The following GCSAML variants were observed in gnomAD, a reference collection of about 807,000 sequenced individuals.
The protein encoded by GCSAML is germinal center-associated signaling and motility-like protein.
GCSAML carries 9 observed loss-of-function variants against 13.0 expected under a neutral mutation model. The observed-to-expected ratio is 0.69, with a 90% CI of 0.42 to 1.21. GCSAML has a LOEUF of 1.21. Among genes scored for constraint, GCSAML ranks in the 50% most tolerant of loss-of-function variants. The probability of loss-of-function intolerance (pLI) is 0.00; values close to 1 mark genes in which losing one functional copy is unlikely to be tolerated. For synonymous variants in GCSAML, 37 were observed against 52.9 expected (o/e 0.70, Z 1.31); for missense variants, 143 against 153.4 (o/e 0.93, Z 0.36).
intron 1 of GCSAML, among the ~76,000 whole-genome samples, chr1:247,512,470 G>C (rs915080875): frequency 3.3e-5 from 5 of 152,066 alleles, no homozygotes; most frequent in South Asian, 2.1e-4. Flanking sequence ...CTTTAGCTCA[G>C]AGGAGTTTGT....
chr1:247,523,148 C>T (rs1440056359), intron 1 of GCSAML, among the ~76,000 whole-genome samples: 1 of 152,172 alleles, frequency 6.6e-6, no homozygotes, highest in Non-Finnish European at 1.5e-5. Context: ...TCCTACAGAA[C>T]AGATGCCCCT....
intron 2 of GCSAML, among the ~76,000 whole-genome samples, chr1:247,562,835 T>A (rs10802522): frequency 0.39 from 58,924 of 150,502 alleles, 12,693 homozygotes; most frequent in African/African-American, 0.56. Context: ...ATTTTTTTTT[T>A]AATTTATTTT....
At chr1:247,524,743 A>G (rs921539916) in intron 1 of GCSAML, 1 of 152,066 alleles carries the variant, frequency 6.6e-6, no homozygotes, top group Non-Finnish European at 1.5e-5. Context: ...CACAAAGGAA[A>G]CAAACAAAAC....
At chr1:247,552,240 A>G (rs947142788) in intron 1 of GCSAML, among the ~76,000 whole-genome samples, 1 of 152,232 alleles carries the variant, frequency 6.6e-6, no homozygotes, top group Non-Finnish European at 1.5e-5. Flanking sequence ...GATGGTAAAG[A>G]GCTGAAATTC....
intron 1 of GCSAML, among the ~76,000 whole-genome samples, chr1:247,509,632 G>T (rs1665952306): frequency 6.6e-6 from 1 of 152,188 alleles, no homozygotes; most frequent in Non-Finnish European, 1.5e-5. Context: ...GATAGTGGCT[G>T]TGGGATTGTC....
rs1252818617 is a variant in GCSAML, at chr1:247,577,147, T to A, written c.*2765T>A. ...GAATCATTGCTGTATAAGTGCTTTT[T>A]AACCTGTAAATTTTGTGAAGCTTAT... On this transcript the variant is annotated 3_prime_UTR_variant, in exon 5 of 5. Transcript: ENST00000366488. 6.6e-6 allele frequency: 1 copy of A among 152,250 alleles called. No individual in the cohort carries two copies. Among genetic ancestry groups the A allele is most frequent in the East Asian group, 1.9e-4 (1 of 5,202 alleles). The allele number at this position is 152,250 out of a possible 1,614,324, so 9.4% of individuals were successfully genotyped here.
Position 247,526,777 on chromosome 1 carries a change from C to A in GCSAML, c.-262-163C>A. On this transcript the variant is annotated intron_variant, in intron 1 of 5. Transcript: ENST00000366489. This position sits in a 1 kb window ranked among gnomAD's most constrained non-coding sequence, Gnocchi z 4.8. The stretch of plus-strand genomic sequence containing the variant: ...AGAGGAATAAAAGAAAAGATGGAGC[C>A]TAGAAAATTCTGACATATTCGGCTG... 1 of 359,730 alleles carries A rather than the reference C, an allele frequency of 2.8e-6. No individual in the cohort carries two copies. Among genetic ancestry groups the A allele is most frequent in the Non-Finnish European group, 5.4e-6 (1 of 184,826 alleles). The allele number at this position is 359,730 out of a possible 1,614,324, so 22.3% of individuals were successfully genotyped here. A position where few individuals can be genotyped will look rare whatever the true frequency, so the allele number is the denominator to read the frequency against.
chr1:247,534,270 G>C (rs1255870738), intron 2 of GCSAML, among the ~76,000 whole-genome samples: 1 of 152,162 alleles, frequency 6.6e-6, no homozygotes, highest in Non-Finnish European at 1.5e-5. Context: ...TGGGTCCCCA[G>C]TGTCTAACCC....
intron 1 of GCSAML, among the ~76,000 whole-genome samples, chr1:247,523,272 C>T (rs971719525): frequency 6.6e-6 from 1 of 152,002 alleles, no homozygotes; most frequent in Non-Finnish European, 1.5e-5. Context: ...GAAATCTTTC[C>T]TGAAGGAATA....
chr1:247,512,168 T>A (rs953111215), intron 1 of GCSAML, among the ~76,000 whole-genome samples: 3 of 152,128 alleles, frequency 2.0e-5, no homozygotes, highest in Admixed American at 6.6e-5. Flanking sequence ...TTGGTCTTTT[T>A]ACGTAGTCCC....
chr1:247,541,924 C>T (rs1402489403), intron 2 of GCSAML, among the ~76,000 whole-genome samples: 6 of 151,140 alleles, frequency 4.0e-5, no homozygotes, highest in Non-Finnish European at 7.4e-5. Context: ...GAGGGAGAAT[C>T]GCTTGAACCC....
chr1:247,545,621 A>G (rs1667542832), upstream of GCSAML, among the ~76,000 whole-genome samples: 1 of 152,180 alleles, frequency 6.6e-6, no homozygotes, highest in Non-Finnish European at 1.5e-5. Flanking sequence ...ATATTTCCCT[A>G]ATAATTAGTG....
chr1:247,526,539 T>C lies in GCSAML; in HGVS notation c.-262-401T>C, dbSNP rs903519919. ...GTGAAATGCATCTTACTTCAGGAAG[T>C]GTGTCTCCACTGGCTTACATCCCCA... On this transcript the variant is annotated intron_variant, in intron 1 of 5. Coordinates refer to the GCSAML transcript ENST00000366489. This position sits in a 1 kb window ranked among gnomAD's most constrained non-coding sequence, Gnocchi z 4.8. 1.2e-5 allele frequency: 2 copies of C among 162,992 alleles called. No homozygotes were observed. The highest frequency in any genetic ancestry group is 6.0e-5 in the Admixed American group (1 of 16,710). 10.1% of individuals were successfully genotyped at this position (162,992 alleles called of 1,614,324 possible). A position where few individuals can be genotyped will look rare whatever the true frequency, so the allele number is the denominator to read the frequency against.
intron 2 of GCSAML, among the ~76,000 whole-genome samples, chr1:247,536,692 G>A (rs1667231453): frequency 6.6e-6 from 1 of 152,108 alleles, no homozygotes; most frequent in Non-Finnish European, 1.5e-5. Context: ...TAACTTCATT[G>A]TATTACACAC....
intron 1 of GCSAML, 71 bp from the exon 2 acceptor site, chr1:247,556,336 G>A (rs1348707826): frequency 9.1e-7 from 1 of 1,096,404 alleles, no homozygotes; most frequent in African/African-American, 1.6e-5. Context: ...GGTCTAGAAA[G>A]TTAGAGAAGA....
intron 2 of GCSAML, among the ~76,000 whole-genome samples, chr1:247,538,514 A>G (rs1439429886): frequency 1.3e-5 from 2 of 152,226 alleles, no homozygotes; most frequent in African/African-American, 2.4e-5. Flanking sequence ...CAATGTGACT[A>G]TATTTGGAGA....
chr1:247,556,950 C>A (rs1667975700), intron 2 of GCSAML, among the ~76,000 whole-genome samples: 1 of 152,186 alleles, frequency 6.6e-6, no homozygotes, highest in Non-Finnish European at 1.5e-5. Flanking sequence ...TCACTCTCTA[C>A]CTTCACCCAC....
intron 2 of GCSAML, chr1:247,531,901 C>G: frequency 6.2e-7 from 1 of 1,614,176 alleles, no homozygotes; most frequent in East Asian, 2.2e-5. Flanking sequence ...AAAGACAAAG[C>G]TGGCCAGGTA....
chr1:247,555,800 G>A (rs925295521), intron 1 of GCSAML, among the ~76,000 whole-genome samples: 8 of 152,204 alleles, frequency 5.3e-5, no homozygotes, highest in Non-Finnish European at 7.3e-5. Flanking sequence ...TGTTAACCAC[G>A]CAAATCACCT....
Sources: gnomAD v4.1 joint callset for allele counts (sites outside exome capture counted in the v4.1 genomes callset) on GRCh38, gnomAD v4.1.1 for gene constraint, Gnocchi (gnomAD v3.1) non-coding constraint, MANE v1.5 for transcripts, NCBI Gene and HGNC (gene_info 2026-07-23, HGNC 2026-07-21) for gene names.